The following DHX37 variants were observed in gnomAD, a reference collection of about 807,000 sequenced individuals.
The protein encoded by DHX37 is probable ATP-dependent RNA helicase DHX37.
DHX37 carries 52 observed loss-of-function variants against 134.3 expected under a neutral mutation model. The observed-to-expected ratio is 0.39, with a 90% confidence interval of 0.31 to 0.49. The LOEUF (loss-of-function observed/expected upper bound fraction) is 0.49. Among genes scored for constraint, DHX37 ranks in the 20% least tolerant of loss-of-function variants. The pLI, the probability that DHX37 is intolerant of heterozygous loss-of-function variation, is 0.93. For synonymous variants in DHX37, 634 were observed against 670.7 expected (o/e 0.95, Z 0.85); for missense variants, 1,344 against 1,580.8 (o/e 0.85, Z 2.54).
Position 124,957,133 on chromosome 12 carries a change from G to T in DHX37, c.2160C>A (p.Val720=). 1 of 1,496,884 alleles carries T rather than the reference G, an allele frequency of 6.7e-7. No individual in the cohort carries two copies. The highest frequency in any genetic ancestry group is 1.4e-5 in the South Asian group (1 of 72,974). The allele number at this position is 1,496,884 out of a possible 1,614,324, so 92.7% of individuals were successfully genotyped here. Residue 720 remains valine, a splice_region_variant and synonymous_variant, in exon 17 of 27, where the codon GTC becomes GTA. Transcript: ENST00000308736. The stretch of plus-strand genomic sequence containing the variant: ...GGGGCGTCGGGAAGGGGAAGTTGAT[G>T]ACCTGGGACACAAGGAGACGTGGCA... ...LQMKALNVEK[V]INFPFPTPPS...
rs1954373431 is a variant in DHX37, at chr12:124,965,804, GGGCAGCACCTAC to G, written c.1591-4_1598del. On this transcript the variant is annotated splice_acceptor_variant and splice_polypyrimidine_tract_variant and coding_sequence_variant and intron_variant, in exon 13 of 27. Transcript: ENST00000308736. LOFTEE classifies it high-confidence loss of function. ...CCGAGTAATGATCCAAGTTGATCTG[GGGCAGCACCTAC>G]GGCGAACAAGACATAGACACCTGGG... The G allele has an allele frequency of 1.9e-6, 3 of 1,613,308 alleles. No homozygotes were observed. The Admixed American group carries it at 5.0e-5, about 27-fold the overall frequency.
intron 11 of DHX37, 61 bp downstream of exon 11, chr12:124,967,062 G>A: frequency 1.3e-6 from 2 of 1,585,930 alleles, no homozygotes; most frequent in Non-Finnish European, 1.7e-6. Flanking sequence ...ACCCCAGCCA[G>A]GGAGCGCGAG....
intron 2 of DHX37, among the ~76,000 whole-genome samples, chr12:124,984,959 C>T (rs1051444022): frequency 6.6e-5 from 10 of 152,070 alleles, no homozygotes; most frequent in Non-Finnish European, 1.0e-4. Flanking sequence ...CAATGAGAAG[C>T]GCCCTTCGAA....
Position 124,949,054 on chromosome 12 carries a change from G to A in DHX37, c.3291-873C>T, listed in dbSNP as rs991919066. ...GAATCTGCCCAGTGAGGCTCTCCCC[G>A]ACCAGCCCAGTCGCACTCCACCCCC... is the stretch of plus-strand genomic sequence containing the variant. On this transcript the variant is annotated intron_variant, in intron 25 of 26. Coordinates refer to ENST00000308736, the MANE Select transcript of DHX37 (RefSeq NM_032656.4). The surrounding 1 kb of genome is among the most constrained non-coding windows in gnomAD (Gnocchi z 4.0). Among the ~76,000 whole-genome samples the A allele has an allele frequency of 6.6e-5, 10 of 152,044 alleles. No individual in the cohort carries two copies. Among genetic ancestry groups the A allele is most frequent in the African/African-American group, 1.7e-4 (7 of 41,412 alleles).
chr12:124,970,474 C>T (rs1014494433), intron 8 of DHX37, among the ~76,000 whole-genome samples: 1 of 152,320 alleles, frequency 6.6e-6, no homozygotes, highest in Middle Eastern at 3.4e-3. Flanking sequence ...TTGCATTGCT[C>T]TCCTCCAGTC....
intron 5 of DHX37, among the ~76,000 whole-genome samples, chr12:124,976,996 A>G (rs911330925): frequency 2.0e-5 from 3 of 151,064 alleles, no homozygotes; most frequent in Non-Finnish European, 4.4e-5. Flanking sequence ...CAGTGAGCCA[A>G]TATCACACCA....
At chr12:124,952,917 T>G in intron 20 of DHX37, 1 of 167,720 alleles carries the variant, frequency 6.0e-6, no homozygotes. Flanking sequence ...GAACGTTCAA[T>G]ACGGGAACAG....
At chr12:124,953,594 C>G (rs4765188) in intron 20 of DHX37, 2 of 422,706 alleles carry the variant, frequency 4.7e-6, no homozygotes. Flanking sequence ...CAGGCCACAG[C>G]GGTGATGGAA....
In DHX37 at chr12:124,980,918, C is replaced by T; in HGVS notation, c.390-80G>A. ...CAGGACTCCAAGGCCATACCCCTTTCTGCCTCAGGGACTTTGCACCTGCTG... is the reference window on the plus strand; with the variant it reads ...CAGGACTCCAAGGCCATACCCCTTTTTGCCTCAGGGACTTTGCACCTGCTG... On this transcript the variant is annotated intron_variant, in intron 3 of 26. Transcript: ENST00000308736. This position sits in a 1 kb window ranked among gnomAD's most constrained non-coding sequence, Gnocchi z 5.3. 6.8e-7 allele frequency: 1 copy of T among 1,469,968 alleles called. No individual in the cohort carries two copies. The highest frequency in any genetic ancestry group is 9.1e-7 in the Non-Finnish European group (1 of 1,104,264). The allele number at this position is 1,469,968 out of a possible 1,614,324, so 91.1% of individuals were successfully genotyped here.
intron 12 of DHX37, among the ~76,000 whole-genome samples, chr12:124,966,283 G>T (rs34279009): frequency 0.12 from 17,683 of 152,212 alleles, 1,374 homozygotes; most frequent in African/African-American, 0.22. Flanking sequence ...GGTCAGGTTG[G>T]ACTTGAACTC....
chr12:124,968,756 C>A, intron 9 of DHX37, 108 bp from the exon 10 acceptor site: 1 of 1,597,890 alleles, frequency 6.3e-7, no homozygotes, highest in Non-Finnish European at 8.5e-7. Flanking sequence ...ACACCCCCTC[C>A]AAGCTGCTGT....
At chr12:124,957,939 C>T (rs978466450) in intron 16 of DHX37, among the ~76,000 whole-genome samples, 8 of 152,212 alleles carry the variant, frequency 5.3e-5, no homozygotes, top group African/African-American at 1.4e-4. Context: ...AGCAGCGACA[C>T]GCGCTACACC....
Position 124,956,709 on chromosome 12 carries a change from A to G in DHX37, c.2435T>C (p.Leu812Pro). The change falls in exon 18 of 27, where the codon CTG becomes CCG. Residue 812 changes from leucine to proline, a missense_variant. Physicochemically the swap from Leu to Pro is moderately conservative, Grantham distance 98 (BLOSUM62 -3). Around this residue, in one of 7 missense-constraint regions of DHX37, gnomAD observed 558 missense variants for 650.0 expected, o/e 0.86. Transcript: ENST00000308736. ...TIVASMTVRE[L>P]FEELDRPAAS... ...CTCGCACCTGTCCAGCTCCTCAAAC[A>G]GCTCCCGCACCGTCATGCTGGCCAC... The G allele has an allele frequency of 6.4e-7, 1 of 1,574,566 alleles. No homozygotes were observed.
At chr12:124,969,041 G>C in intron 8 of DHX37, 73 bp from the exon 9 acceptor site, 1 of 1,445,488 alleles carries the variant, frequency 6.9e-7, no homozygotes, top group Non-Finnish European at 9.5e-7. Context: ...AATCGGCATG[G>C]GGGTGCCCTG....
At position 124,968,978 on chromosome 12, in the gene DHX37, G is replaced by A. The variant is rs756105065; in HGVS notation, c.1192-10C>T. 1.2e-6 allele frequency: 2 copies of A among 1,612,398 alleles called. No individual in the cohort carries two copies. Among genetic ancestry groups the A allele is most frequent in the African/African-American group, 2.7e-5 (2 of 75,028 alleles). ...TGAGTGGCAGGTTCCTCTGCAAAAGGACAGGCTCAGTGACCGTGGCCCCAG... is the reference window on the plus strand; with the variant it reads ...TGAGTGGCAGGTTCCTCTGCAAAAGAACAGGCTCAGTGACCGTGGCCCCAG... On this transcript the variant is annotated splice_polypyrimidine_tract_variant and intron_variant, in intron 8 of 26. Transcript: ENST00000308736.
At chr12:124,977,111 G>A (rs980662675) in intron 5 of DHX37, among the ~76,000 whole-genome samples, 1 of 151,956 alleles carries the variant, frequency 6.6e-6, no homozygotes, top group African/African-American at 2.4e-5. Flanking sequence ...GGAATTAAGT[G>A]TGCTACGCAA....
intron 15 of DHX37, among the ~76,000 whole-genome samples, chr12:124,963,356 G>A (rs763279381): frequency 2.2e-4 from 34 of 152,152 alleles, no homozygotes; most frequent in Admixed American, 7.9e-4. Flanking sequence ...AGGCTGGGGC[G>A]GGGAAGAAGG....
intron 6 of DHX37, among the ~76,000 whole-genome samples, chr12:124,972,882 G>A (rs1954548369): frequency 6.6e-6 from 1 of 152,276 alleles, no homozygotes; most frequent in South Asian, 2.1e-4. Context: ...ACACCGGGGA[G>A]ACCTGCACAT....
At chr12:124,982,653 T>C (rs756345650) in intron 2 of DHX37, 30 bp from the exon 3 acceptor site, 18 of 1,605,532 alleles carry the variant, frequency 1.1e-5, no homozygotes, top group Admixed American at 1.7e-5. Flanking sequence ...TATTATGCAT[T>C]TGCCATCACG....
Sources: allele counts gnomAD v4.1 joint callset (sites outside exome capture counted in the v4.1 genomes callset), GRCh38; gene constraint gnomAD v4.1.1; regional missense constraint gnomAD v4.1.1; non-coding constraint Gnocchi (gnomAD v3.1); transcripts MANE v1.5; gene names NCBI Gene and HGNC (gene_info 2026-07-23, HGNC 2026-07-21).